Variants in PSD3 observed in about 807,000 individuals in gnomAD.
PSD3 encodes the protein PH and SEC7 domain-containing protein 3.
PSD3 carries 49 observed loss-of-function variants against 105.5 expected under a neutral mutation model. That is an observed-to-expected ratio of 0.46 (90% CI 0.37 to 0.59). PSD3 has a LOEUF of 0.59. PSD3 is among the 20% of genes least tolerant of loss of function. The pLI, the probability that PSD3 is intolerant of heterozygous loss-of-function variation, is 0.00. For synonymous variants in PSD3, 557 were observed against 457.8 expected, an observed-to-expected ratio of 1.22 and a Z score of -2.77; for missense variants, 1,561 against 1,263.8, an observed-to-expected ratio of 1.24 and a Z score of -3.57.
intron 2 of PSD3, among the ~76,000 whole-genome samples, chr8:18,885,203 C>T (rs12156368): frequency 0.36 from 54,769 of 151,966 alleles, 11,112 homozygotes; most frequent in African/African-American, 0.53. Flanking sequence ...ATTCTGTCCA[C>T]TTTCTACGAT....
intron 15 of PSD3, among the ~76,000 whole-genome samples, chr8:18,555,003 G>C (rs1042276502): frequency 1.3e-5 from 2 of 152,072 alleles, no homozygotes; most frequent in African/African-American, 2.4e-5. Flanking sequence ...GGACGTTGTG[G>C]AAACGTGGAG....
chr8:18,682,406 CATTCTGGTCT>C (rs1416760273), intron 9 of PSD3, among the ~76,000 whole-genome samples: 16 of 152,066 alleles, frequency 1.1e-4, no homozygotes, highest in African/African-American at 3.9e-4. Flanking sequence ...TATGATAAAC[CATTCTGGTCT>C]ATTTCAGCAG....
At chr8:18,706,275 G>A (rs891268089) in intron 9 of PSD3, among the ~76,000 whole-genome samples, 1 of 152,174 alleles carries the variant, frequency 6.6e-6, no homozygotes, top group Admixed American at 6.5e-5. Flanking sequence ...ACTCAGAAAA[G>A]CTGTTTAGTA....
intron 4 of PSD3, among the ~76,000 whole-genome samples, chr8:18,854,995 A>T (rs1056223899): frequency 1.3e-5 from 2 of 152,222 alleles, no homozygotes; most frequent in Admixed American, 6.5e-5. Flanking sequence ...AACCAGGGAC[A>T]GCAGGAGTTG....
intron 1 of PSD3, among the ~76,000 whole-genome samples, chr8:19,070,571 G>A (rs112667182): frequency 0.059 from 9,027 of 152,178 alleles, 874 homozygotes; most frequent in African/African-American, 0.21. Context: ...CCAGCTACAC[G>A]GGAGGCTGAG....
chr8:19,055,582 C>T (rs1192101676), intron 1 of PSD3, among the ~76,000 whole-genome samples: 1 of 152,112 alleles, frequency 6.6e-6, no homozygotes, highest in Non-Finnish European at 1.5e-5. Flanking sequence ...CACTGGTCTG[C>T]ATCATTAATC....
At chr8:18,860,804 C>T (rs762519509) in intron 4 of PSD3, among the ~76,000 whole-genome samples, 41 of 152,236 alleles carry the variant, frequency 2.7e-4, no homozygotes, top group South Asian at 4.1e-4. Flanking sequence ...AAAAATATTG[C>T]TGTATCATCT....
intron 9 of PSD3, among the ~76,000 whole-genome samples, chr8:18,726,788 T>G (rs557249816): frequency 6.6e-6 from 1 of 152,354 alleles, no homozygotes; most frequent in East Asian, 1.9e-4. Context: ...ACTATCTTAA[T>G]GTTCCAACCA....
chr8:18,764,334 T>C (rs997723446), intron 9 of PSD3, among the ~76,000 whole-genome samples: 1 of 152,202 alleles, frequency 6.6e-6, no homozygotes, highest in Non-Finnish European at 1.5e-5. Context: ...CTGCACCATT[T>C]ATCTCCCGCT....
intron 9 of PSD3, among the ~76,000 whole-genome samples, chr8:18,688,117 C>T (rs6998234): frequency 0.082 from 12,485 of 152,006 alleles, 648 homozygotes; most frequent in East Asian, 0.23. Flanking sequence ...CCTGTTCTGT[C>T]GCTCAGGCTG....
chr8:18,785,221 T>C (rs1389607395), intron 8 of PSD3, among the ~76,000 whole-genome samples: 1 of 152,200 alleles, frequency 6.6e-6, no homozygotes, highest in Non-Finnish European at 1.5e-5. Flanking sequence ...AAGTGTTTTA[T>C]CACCTTGATG....
intron 9 of PSD3, among the ~76,000 whole-genome samples, chr8:18,698,121 C>T (rs894135792): frequency 1.2e-4 from 18 of 152,210 alleles, no homozygotes; most frequent in African/African-American, 4.3e-4. Context: ...TTTTCAGAGA[C>T]AGGGTCTCAC....
intron 10 of PSD3, among the ~76,000 whole-genome samples, chr8:18,646,227 T>C (rs13250892): frequency 0.25 from 38,674 of 151,962 alleles, 5,205 homozygotes; most frequent in South Asian, 0.44. Flanking sequence ...CATTTTAAAG[T>C]TCCCTCATAA....
intron 8 of PSD3, among the ~76,000 whole-genome samples, chr8:18,770,228 C>G (rs1168092204): frequency 3.3e-5 from 5 of 152,094 alleles, no homozygotes; most frequent in African/African-American, 1.2e-4. Context: ...ACTAATGACC[C>G]TCAGCTTTTT....
rs1806713679 is a variant in PSD3, at chr8:18,629,178, G to A, written c.2410+3435C>T. Among the ~76,000 whole-genome samples, 3 of 152,016 alleles carry A rather than the reference G, an allele frequency of 2.0e-5. No homozygotes were observed. The South Asian group carries it at 6.2e-4, about 32-fold the overall frequency. ...TTAGACAAAGTAGACTCCAAAATAAGGAATATAACCAGGGGTGTCGGACGT... is the reference window on the plus strand; with the variant it reads ...TTAGACAAAGTAGACTCCAAAATAAAGAATATAACCAGGGGTGTCGGACGT... On this transcript the variant is annotated intron_variant, in intron 11 of 15. Transcript: ENST00000327040.
rs141906617 is a variant in PSD3, at chr8:19,008,590, T to C, written c.21+4973A>G. Among the ~76,000 whole-genome samples, 1,084 of 152,294 alleles carry C rather than the reference T, an allele frequency of 7.1e-3. 12 individuals carry two copies. Among genetic ancestry groups the C allele is most frequent in the African/African-American group, 0.024 (1,011 of 41,538 alleles). On this transcript the variant is annotated intron_variant, in intron 1 of 15. Transcript: ENST00000327040. ...TTGAAAATCTACATTCAAAAAAGCA[T>C]GTAAGTTTCCATATACAGAGAAAAG...
chr8:18,897,247 G>A (rs1819212789), intron 2 of PSD3, among the ~76,000 whole-genome samples: 1 of 152,098 alleles, frequency 6.6e-6, no homozygotes, highest in South Asian at 2.1e-4. Context: ...GAGACGTGAT[G>A]TGTCTGCTTA....
intron 9 of PSD3, among the ~76,000 whole-genome samples, chr8:18,690,779 C>A (rs1470462763): frequency 2.0e-5 from 3 of 152,222 alleles, no homozygotes; most frequent in Admixed American, 2.0e-4. Context: ...CGTCACCCTT[C>A]GACCCCAGCC....
At chr8:18,915,976 A>G (rs1187407661) in intron 2 of PSD3, among the ~76,000 whole-genome samples, 1 of 151,916 alleles carries the variant, frequency 6.6e-6, no homozygotes, top group Non-Finnish European at 1.5e-5. Context: ...CATGCCTGTA[A>G]TCCCAGCTAC....
Sources: allele counts gnomAD v4.1 joint callset (sites outside exome capture counted in the v4.1 genomes callset), GRCh38; gene constraint gnomAD v4.1.1; transcripts MANE v1.5; gene names NCBI Gene and HGNC (gene_info 2026-07-23, HGNC 2026-07-21).